PARD3: variants seen among roughly 807,000 people sequenced by gnomAD.
PARD3 encodes the protein par-3 family cell polarity regulator, also known as partitioning defective 3 homolog.
PARD3 carries 75 observed loss-of-function variants against 155.4 expected under a neutral mutation model. The ratio of observed to expected loss-of-function variants is 0.48; its 90% CI spans 0.40 to 0.58. The LOEUF (loss-of-function observed/expected upper bound fraction) is 0.58, where lower values mean the gene tolerates loss of function less well. Among genes scored for constraint, PARD3 ranks in the 20% least tolerant of loss-of-function variants. PARD3 has a pLI of 0.00. For synonymous variants in PARD3, 576 were observed against 610.5 expected, an observed-to-expected ratio of 0.94 and a Z score of 0.83; for missense variants, 1,642 against 1,721.7, an observed-to-expected ratio of 0.95 and a Z score of 0.82.
intron 2 of PARD3, among the ~76,000 whole-genome samples, chr10:34,655,432 G>T (rs2093139923): frequency 6.6e-6 from 1 of 152,032 alleles, no homozygotes; most frequent in Non-Finnish European, 1.5e-5. Context: ...ATGACTGTGG[G>T]TGTGTGTGAG....
At chr10:34,778,237 T>A (rs1839832773) in intron 1 of PARD3, among the ~76,000 whole-genome samples, 1 of 152,202 alleles carries the variant, frequency 6.6e-6, no homozygotes, top group East Asian at 1.9e-4. Flanking sequence ...AAGCTTGTGG[T>A]ATCTCCAGGT....
intron 7 of PARD3, among the ~76,000 whole-genome samples, chr10:34,393,322 G>A (rs79330217): frequency 0.067 from 10,243 of 152,040 alleles, 463 homozygotes; most frequent in Non-Finnish European, 0.096. Context: ...GCTCATGCCC[G>A]TAATCCATGC....
chr10:34,532,489 T>G (rs912139911), intron 2 of PARD3, among the ~76,000 whole-genome samples: 3 of 152,156 alleles, frequency 2.0e-5, no homozygotes, highest in Non-Finnish European at 4.4e-5. Flanking sequence ...GTTCACACCA[T>G]GTGCCCGCTA....
chr10:34,613,065 C>T (rs2091023741), intron 2 of PARD3, among the ~76,000 whole-genome samples: 1 of 152,096 alleles, frequency 6.6e-6, no homozygotes, highest in African/African-American at 2.4e-5. Flanking sequence ...AATATTTCTA[C>T]CTAAAGTCCA....
At chr10:34,809,821 A>T (rs181181976) in intron 1 of PARD3, among the ~76,000 whole-genome samples, 12 of 152,334 alleles carry the variant, frequency 7.9e-5, no homozygotes, top group East Asian at 1.9e-4. Context: ...AAATGTTAAA[A>T]AAATAAATAA....
chr10:34,495,087 TC>T (rs2080180353), intron 3 of PARD3, among the ~76,000 whole-genome samples: 1 of 151,924 alleles, frequency 6.6e-6, no homozygotes, highest in African/African-American at 2.4e-5. Flanking sequence ...TTCCTGGCAC[TC>T]AATTTCGCAG....
chr10:34,737,651 C>T (rs938038230), intron 1 of PARD3, among the ~76,000 whole-genome samples: 12 of 152,170 alleles, frequency 7.9e-5, no homozygotes, highest in Non-Finnish European at 1.3e-4. Flanking sequence ...CTCGGCTCCC[C>T]CACCACGTGA....
intron 1 of PARD3, among the ~76,000 whole-genome samples, chr10:34,731,098 C>G (rs2094809283): frequency 7.1e-6 from 1 of 141,594 alleles, no homozygotes; most frequent in South Asian, 2.4e-4. Context: ...TTATAATCAT[C>G]TGTTGAATAC....
At chr10:34,177,788 G>A (rs556690414) in intron 22 of PARD3, among the ~76,000 whole-genome samples, 2 of 152,184 alleles carry the variant, frequency 1.3e-5, no homozygotes, top group African/African-American at 2.4e-5. Context: ...GCTCATATCC[G>A]CCCTTCCAGT....
intron 5 of PARD3, among the ~76,000 whole-genome samples, chr10:34,442,495 T>C (rs2076516019): frequency 6.6e-6 from 1 of 152,146 alleles, no homozygotes; most frequent in South Asian, 2.1e-4. Flanking sequence ...CCGGTTGTCC[T>C]GGCGCACAAG....
intron 22 of PARD3, among the ~76,000 whole-genome samples, chr10:34,145,217 A>ATTT (rs1387505653): frequency 6.0e-3 from 349 of 57,824 alleles, no homozygotes; most frequent in Non-Finnish European, 8.8e-3. Context: ...ATATATATAT[A>ATTT]TATATTTTTT....
chr10:34,114,397 A>G (rs1303005971), intron 24 of PARD3, among the ~76,000 whole-genome samples: 4 of 152,168 alleles, frequency 2.6e-5, no homozygotes, highest in Non-Finnish European at 5.9e-5. Flanking sequence ...AGGGTGGAGT[A>G]CAGTGGTGCA....
chr10:34,754,917 T>C (rs1287542856), intron 1 of PARD3, among the ~76,000 whole-genome samples: 3 of 152,210 alleles, frequency 2.0e-5, no homozygotes, highest in South Asian at 2.1e-4. Context: ...GTGGGGCTTA[T>C]AAGCAGGGAC....
In PARD3 at chr10:34,396,281, C is replaced by T. The variant is rs993542599; in HGVS notation, c.890+3049G>A. On this transcript the variant is annotated intron_variant, in intron 7 of 24. Coordinates refer to ENST00000374788, the MANE Select transcript of PARD3 (RefSeq NM_001184785.2). ...AGGAGAATTGCTTGAACCCGGGAAG[C>T]GGAGGTTGCAGTGAGCCAGGATCTC... Among the ~76,000 whole-genome samples the T allele has an allele frequency of 3.3e-5, 5 of 151,996 alleles. No individual in the cohort carries two copies. In the South Asian group the frequency reaches 6.3e-4, roughly 19 times the overall value.
chr10:34,425,953 T>C (rs1459060484), intron 5 of PARD3, among the ~76,000 whole-genome samples: 1 of 152,172 alleles, frequency 6.6e-6, no homozygotes, highest in Non-Finnish European at 1.5e-5. Flanking sequence ...ACAACAATGA[T>C]TCCAATCTTC....
intron 1 of PARD3, among the ~76,000 whole-genome samples, chr10:34,772,771 G>A (rs1564604673): frequency 6.8e-6 from 1 of 146,816 alleles, no homozygotes; most frequent in Non-Finnish European, 1.5e-5. Flanking sequence ...TCCAGCCTGG[G>A]TGACACAGCA....
At chr10:34,245,285 G>A (rs1268184270) in intron 22 of PARD3, among the ~76,000 whole-genome samples, 1 of 152,148 alleles carries the variant, frequency 6.6e-6, no homozygotes, top group Non-Finnish European at 1.5e-5. Flanking sequence ...ACGTAACGGG[G>A]GTAGGAAAAT....
intron 20 of PARD3, among the ~76,000 whole-genome samples, chr10:34,290,947 A>G (rs1451857039): frequency 6.6e-6 from 1 of 152,192 alleles, no homozygotes; most frequent in Non-Finnish European, 1.5e-5. Flanking sequence ...CACTCAAATC[A>G]AAACAAACCC....
At chr10:34,456,060 G>T (rs1269707994) in intron 4 of PARD3, among the ~76,000 whole-genome samples, 1 of 152,160 alleles carries the variant, frequency 6.6e-6, no homozygotes, top group Non-Finnish European at 1.5e-5. Context: ...AAGAGTATGT[G>T]TTTATAAAGT....
Sources: gnomAD v4.1 joint callset for allele counts (sites outside exome capture counted in the v4.1 genomes callset) on GRCh38, gnomAD v4.1.1 for gene constraint, MANE v1.5 for transcripts, NCBI Gene and HGNC (gene_info 2026-07-23, HGNC 2026-07-21) for gene names.